The following FOXN3 variants were observed in gnomAD, a reference collection of about 807,000 sequenced individuals.
FOXN3 encodes the protein forkhead box N3, also known as forkhead box protein N3.
Under a neutral mutation model 38.4 loss-of-function variants are expected in FOXN3, and 7 were observed. That is an observed-to-expected ratio of 0.18 (90% CI 0.10 to 0.34). The LOEUF (loss-of-function observed/expected upper bound fraction) is 0.34. Among genes scored for constraint, FOXN3 ranks in the 10% least tolerant of loss-of-function variants. The pLI is 1.00. For synonymous variants in FOXN3, 230 were observed against 242.2 expected, an observed-to-expected ratio of 0.95 and a Z score of 0.47; for missense variants, 456 against 613.4, an observed-to-expected ratio of 0.74 and a Z score of 2.71.
chr14:89,193,758 A>ATATTT (rs1219894011), intron 4 of FOXN3, among the ~76,000 whole-genome samples: 16 of 152,316 alleles, frequency 1.1e-4, no homozygotes, highest in African/African-American at 3.6e-4. Flanking sequence ...TGGTAAATGT[A>ATATTT]TATTTAGCTT....
At chr14:89,290,718 G>A (rs1596158527) in intron 3 of FOXN3, 4 of 363,718 alleles carry the variant, frequency 1.1e-5, no homozygotes, top group South Asian at 7.3e-5. Context: ...GTGGGGAGAC[G>A]TACTTTGCCC....
At chr14:89,441,442 GTA>G (rs1892380677) in intron 1 of FOXN3, among the ~76,000 whole-genome samples, 1 of 152,214 alleles carries the variant, frequency 6.6e-6, no homozygotes, top group Non-Finnish European at 1.5e-5. Context: ...TCTTGGGGCA[GTA>G]ATAAGCCGGG....
chr14:89,559,594 T>C (rs1402379332), intron 1 of FOXN3, among the ~76,000 whole-genome samples: 3 of 152,058 alleles, frequency 2.0e-5, no homozygotes, highest in Non-Finnish European at 4.4e-5. Flanking sequence ...GAGAGTTGCT[T>C]GAATCCAGGA....
At chr14:89,411,904 A>C (rs375597955) in intron 2 of FOXN3, 30 bp downstream of exon 2, 15 of 1,307,638 alleles carry the variant, frequency 1.1e-5, no homozygotes, top group Non-Finnish European at 1.5e-5. Context: ...AAAAAAAAGA[A>C]AACCTTGGGT....
At chr14:89,329,331 A>C (rs1159465440) in intron 3 of FOXN3, among the ~76,000 whole-genome samples, 1 of 152,210 alleles carries the variant, frequency 6.6e-6, no homozygotes. Flanking sequence ...ATATCCATGG[A>C]AAAAGTCCTC....
chr14:89,198,172 G>T (rs561987503), intron 4 of FOXN3, among the ~76,000 whole-genome samples: 1 of 152,106 alleles, frequency 6.6e-6, no homozygotes, highest in Non-Finnish European at 1.5e-5. Context: ...TGATGGCCGC[G>T]TCTGTACTGA....
At chr14:89,284,107 G>A (rs573924112) in intron 3 of FOXN3, among the ~76,000 whole-genome samples, 7 of 152,160 alleles carry the variant, frequency 4.6e-5, no homozygotes, top group Non-Finnish European at 8.8e-5. Context: ...GACCTCAAGC[G>A]ATCCACTCGC....
chr14:89,246,288 A>C (rs1885292986), intron 4 of FOXN3, among the ~76,000 whole-genome samples: 1 of 152,124 alleles, frequency 6.6e-6, no homozygotes, highest in Admixed American at 6.5e-5. Flanking sequence ...TTACATTTTA[A>C]TTGTGTTACA....
intron 1 of FOXN3, among the ~76,000 whole-genome samples, chr14:89,527,451 G>A (rs1391442882): frequency 6.6e-6 from 1 of 152,172 alleles, no homozygotes; most frequent in African/African-American, 2.4e-5. Flanking sequence ...GTAACAGATT[G>A]TGATAAAATA....
chr14:89,443,337 C>T (rs1414631915), intron 1 of FOXN3, among the ~76,000 whole-genome samples: 1 of 152,206 alleles, frequency 6.6e-6, no homozygotes, highest in Non-Finnish European at 1.5e-5. Flanking sequence ...CTGTACTGTG[C>T]ATATTGTTTT....
At chr14:89,278,020 C>A (rs1222042260) in intron 4 of FOXN3, among the ~76,000 whole-genome samples, 1 of 152,036 alleles carries the variant, frequency 6.6e-6, no homozygotes, top group Non-Finnish European at 1.5e-5. Context: ...TCTGCTCCCA[C>A]CCTTCTGACA....
chr14:89,167,454 G>C (rs1363937790), intron 5 of FOXN3, among the ~76,000 whole-genome samples: 1 of 152,214 alleles, frequency 6.6e-6, no homozygotes, highest in Non-Finnish European at 1.5e-5. Flanking sequence ...CCTCCCCAGG[G>C]ATTTAGTTGA....
intron 4 of FOXN3, 42 bp from the exon 5 acceptor site, chr14:89,180,848 A>G (rs1172834727): frequency 6.6e-7 from 1 of 1,508,028 alleles, no homozygotes; most frequent in Non-Finnish European, 9.1e-7. Flanking sequence ...CGTGAATTCA[A>G]CTGTGAAGAT....
intron 5 of FOXN3, among the ~76,000 whole-genome samples, chr14:89,172,382 T>G (rs1887412009): frequency 6.6e-6 from 1 of 152,194 alleles, no homozygotes; most frequent in Admixed American, 6.5e-5. Flanking sequence ...CCACTGCACC[T>G]AGCATTCAAT....
chr14:89,467,804 G>GTTTTTT lies in FOXN3; in HGVS notation c.-14-55320_-14-55315dup, dbSNP rs68132432. On this transcript the variant is annotated intron_variant, in intron 1 of 6. Transcript: ENST00000345097. ...CTTCTTCCTTTTCTTTTCTTTCTTT[G>GTTTTTT]TTTTTTTTTTTTTTTTTTTTTTTTG... Among the ~76,000 whole-genome samples, 143 of 56,588 alleles carry GTTTTTT rather than the reference G, an allele frequency of 2.5e-3. 15 individuals carry two copies. The highest frequency in any genetic ancestry group is 3.3e-3 in the Non-Finnish European group (106 of 32,468). 37.1% of individuals were successfully genotyped at this position (56,588 alleles called of 152,430 possible). A position where few individuals can be genotyped will look rare whatever the true frequency, so the allele number is the denominator to read the frequency against.
chr14:89,441,263 C>T (rs1169353044), intron 1 of FOXN3, among the ~76,000 whole-genome samples: 1 of 152,160 alleles, frequency 6.6e-6, no homozygotes, highest in Admixed American at 6.5e-5. Flanking sequence ...TGAAGAACTC[C>T]CCAACGACTC....
chr14:89,234,419 C>T (rs1482146635), intron 4 of FOXN3, among the ~76,000 whole-genome samples: 1 of 152,042 alleles, frequency 6.6e-6, no homozygotes, highest in Non-Finnish European at 1.5e-5. Flanking sequence ...TGCTGTTGTA[C>T]GGTTTGAATC....
intron 2 of FOXN3, among the ~76,000 whole-genome samples, chr14:89,410,782 AG>A (rs1322206045): frequency 6.6e-6 from 1 of 152,040 alleles, no homozygotes; most frequent in African/African-American, 2.4e-5. Flanking sequence ...CTGAGATGCG[AG>A]GATCACTCAA....
At chr14:89,545,632 G>C (rs243171) in intron 1 of FOXN3, among the ~76,000 whole-genome samples, 60,865 of 152,044 alleles carry the variant, frequency 0.4, 14,873 homozygotes, top group African/African-American at 0.68. Context: ...TGATGATAAA[G>C]TGCAACTTGA....
Sources: gnomAD v4.1 joint callset for allele counts (sites outside exome capture counted in the v4.1 genomes callset) on GRCh38, gnomAD v4.1.1 for gene constraint, MANE v1.5 for transcripts, NCBI Gene and HGNC (gene_info 2026-07-23, HGNC 2026-07-21) for gene names.